Variants in ZBTB7C observed in about 807,000 individuals in gnomAD.
ZBTB7C encodes zinc finger and BTB domain-containing protein 7C.
In ZBTB7C, 8 loss-of-function variants were observed where a neutral mutation model predicts 25.7. The ratio of observed to expected loss-of-function variants is 0.31; its 90% CI spans 0.18 to 0.56. The LOEUF (loss-of-function observed/expected upper bound fraction) is 0.56, where lower values mean the gene tolerates loss of function less well. ZBTB7C is among the 20% of genes least tolerant of loss of function. ZBTB7C has a pLI of 0.91. For synonymous variants in ZBTB7C, 394 were observed against 369.0 expected (o/e 1.07, Z -0.78); for missense variants, 824 against 855.2 (o/e 0.96, Z 0.46).
chr18:48,193,974 T>C (rs2042260138), intron 2 of ZBTB7C, among the ~76,000 whole-genome samples: 2 of 152,170 alleles, frequency 1.3e-5, no homozygotes, highest in Non-Finnish European at 2.9e-5. Context: ...GCTGAGATAA[T>C]GGAATCCTCC....
chr18:48,115,533 C>T (rs557490613), intron 3 of ZBTB7C, among the ~76,000 whole-genome samples: 2 of 152,136 alleles, frequency 1.3e-5, no homozygotes, highest in African/African-American at 2.4e-5. Context: ...CCACCGTGCC[C>T]GGCCTTATGA....
chr18:48,400,044 C>T (rs978235636), intron 1 of ZBTB7C, among the ~76,000 whole-genome samples: 2 of 152,180 alleles, frequency 1.3e-5, no homozygotes, highest in African/African-American at 4.8e-5. Flanking sequence ...GGATGACCCA[C>T]CAACCAGAGG....
intron 1 of ZBTB7C, among the ~76,000 whole-genome samples, chr18:48,363,877 T>C (rs918964749): frequency 1.3e-5 from 2 of 151,966 alleles, no homozygotes; most frequent in Non-Finnish European, 1.5e-5. Context: ...AGCACATCTG[T>C]CTTTTTAAAA....
chr18:48,193,742 T>C (rs1023122847), intron 2 of ZBTB7C, among the ~76,000 whole-genome samples: 3 of 152,306 alleles, frequency 2.0e-5, no homozygotes, highest in Non-Finnish European at 2.9e-5. Context: ...TGAAACAAGG[T>C]GGCAGGCGCG....
At chr18:48,058,232 A>G (rs2036992620) in intron 3 of ZBTB7C, among the ~76,000 whole-genome samples, 3 of 152,206 alleles carry the variant, frequency 2.0e-5, no homozygotes, top group Non-Finnish European at 4.4e-5. Context: ...CATATGGCCA[A>G]TGAGCTCTAA....
intron 2 of ZBTB7C, among the ~76,000 whole-genome samples, chr18:48,239,315 T>C (rs1231027101): frequency 6.6e-6 from 1 of 152,160 alleles, no homozygotes; most frequent in Non-Finnish European, 1.5e-5. Context: ...CGAATACTTA[T>C]CTAGGAGACC....
chr18:48,275,710 G>A (rs771477917), intron 2 of ZBTB7C, among the ~76,000 whole-genome samples: 21 of 152,146 alleles, frequency 1.4e-4, no homozygotes, highest in Non-Finnish European at 2.6e-4. Context: ...CAACTGCTTC[G>A]CATCATCTTC....
intron 2 of ZBTB7C, among the ~76,000 whole-genome samples, chr18:48,190,436 G>A (rs1821929649): frequency 6.6e-6 from 1 of 152,200 alleles, no homozygotes; most frequent in South Asian, 2.1e-4. Context: ...CCAACTCCGT[G>A]CAGGAGGGTT....
At chr18:48,129,673 C>A (rs530970087) in intron 3 of ZBTB7C, among the ~76,000 whole-genome samples, 1 of 152,306 alleles carries the variant, frequency 6.6e-6, no homozygotes, top group Non-Finnish European at 1.5e-5. Flanking sequence ...GGAGAGGCTC[C>A]GGGCACGGCA....
chr18:48,127,684 G>A (rs1315668578), intron 3 of ZBTB7C, among the ~76,000 whole-genome samples: 1 of 152,216 alleles, frequency 6.6e-6, no homozygotes, highest in African/African-American at 2.4e-5. Context: ...TCCCAGCGTG[G>A]GCTTTGGGGT....
chr18:48,404,612 A>C (rs2048237093), intron 1 of ZBTB7C, among the ~76,000 whole-genome samples: 1 of 152,156 alleles, frequency 6.6e-6, no homozygotes, highest in Non-Finnish European at 1.5e-5. Flanking sequence ...CCCAACATCC[A>C]CTGGGGTTAG....
At chr18:48,182,645 A>T (rs1163749171) in intron 3 of ZBTB7C, among the ~76,000 whole-genome samples, 3 of 152,306 alleles carry the variant, frequency 2.0e-5, no homozygotes, top group Admixed American at 1.3e-4. Context: ...GCTCGCCACC[A>T]AAAGAACCCA....
At chr18:48,333,587 C>T (rs1223941911) in intron 2 of ZBTB7C, among the ~76,000 whole-genome samples, 2 of 152,178 alleles carry the variant, frequency 1.3e-5, no homozygotes, top group Non-Finnish European at 2.9e-5. Context: ...GAGTTTGTGA[C>T]ACCCCCCTCT....
At position 48,326,342 on chromosome 18, in the gene ZBTB7C, C is replaced by T. The variant is rs746138375; in HGVS notation, c.-79+11832G>A. 2.6e-5 allele frequency among the ~76,000 whole-genome samples: 4 copies of T among 152,068 alleles called. No homozygotes were observed. The East Asian group carries it at 5.8e-4, about 22-fold the overall frequency. On this transcript the variant is annotated intron_variant, in intron 2 of 4. Transcript: ENST00000590800. ...AACCCCTGACCTCAAGTGATCTGCCCGCCTTGGCCTTCCAAAGGGCTGGGA... is the reference window on the plus strand; with the variant it reads ...AACCCCTGACCTCAAGTGATCTGCCTGCCTTGGCCTTCCAAAGGGCTGGGA...
At chr18:48,216,876 A>G (rs2042836590) in intron 2 of ZBTB7C, among the ~76,000 whole-genome samples, 1 of 152,194 alleles carries the variant, frequency 6.6e-6, no homozygotes, top group African/African-American at 2.4e-5. Context: ...TTTGGCAATA[A>G]GAACACTGCA....
intron 2 of ZBTB7C, among the ~76,000 whole-genome samples, chr18:48,217,355 G>A (rs2042848802): frequency 6.6e-6 from 1 of 152,130 alleles, no homozygotes. Flanking sequence ...GCATTACTAA[G>A]ACACAGATCT....
chr18:48,367,196 TATATATACACAC>T (rs1372525425), intron 1 of ZBTB7C, among the ~76,000 whole-genome samples: 11 of 57,480 alleles, frequency 1.9e-4, no homozygotes, highest in Admixed American at 5.9e-4. Flanking sequence ...TATATATATA[TATATATACACAC>T]ACACACACAC....
intron 2 of ZBTB7C, among the ~76,000 whole-genome samples, chr18:48,212,190 A>G (rs1410745886): frequency 6.6e-6 from 1 of 152,206 alleles, no homozygotes; most frequent in Admixed American, 6.5e-5. Flanking sequence ...CCCCGTCTCT[A>G]CAAATAATTA....
chr18:48,090,904 T>C (rs2038386357), intron 3 of ZBTB7C, among the ~76,000 whole-genome samples: 1 of 152,182 alleles, frequency 6.6e-6, no homozygotes, highest in Non-Finnish European at 1.5e-5. Context: ...GTGCTGGTTA[T>C]CTCTTTGTGC....
Sources: allele counts gnomAD v4.1 joint callset (sites outside exome capture counted in the v4.1 genomes callset), GRCh38; gene constraint gnomAD v4.1.1; transcripts MANE v1.5; gene names NCBI Gene and HGNC (gene_info 2026-07-23, HGNC 2026-07-21).